Variants in FRMD6 observed in about 807,000 individuals in gnomAD.
FRMD6 encodes FERM domain containing 6.
A neutral mutation model predicts 73.2 loss-of-function variants in FRMD6; 37 were observed. The ratio of observed to expected loss-of-function variants is 0.51; its 90% confidence interval spans 0.39 to 0.66. FRMD6 has a LOEUF of 0.66. Among genes scored for constraint, FRMD6 ranks in the 30% least tolerant of loss-of-function variants. The pLI is 0.00. For missense variants in FRMD6, 714 were observed against 780.5 expected, an observed-to-expected ratio of 0.91 and a Z score of 1.02; for synonymous variants, 273 against 282.2, an observed-to-expected ratio of 0.97 and a Z score of 0.33.
At chr14:51,596,719 G>A (rs546498187) in intron 2 of FRMD6, among the ~76,000 whole-genome samples, 3 of 152,284 alleles carry the variant, frequency 2.0e-5, no homozygotes, top group Middle Eastern at 3.4e-3. Flanking sequence ...ACATTGGTGG[G>A]TGAGAGTTAC....
chr14:51,665,442 A>T (rs1893511078), intron 1 of FRMD6, among the ~76,000 whole-genome samples: 1 of 151,952 alleles, frequency 6.6e-6, no homozygotes, highest in African/African-American at 2.4e-5. Context: ...AATCTAGCCA[A>T]ATTGTTCTTC....
chr14:51,639,743 G>A (rs181338211), intron 2 of FRMD6, among the ~76,000 whole-genome samples: 5 of 152,198 alleles, frequency 3.3e-5, no homozygotes, highest in East Asian at 3.9e-4. Flanking sequence ...ATGCAACCTC[G>A]TATTTATCTA....
chr14:51,610,258 A>G (rs1890435072), intron 2 of FRMD6, among the ~76,000 whole-genome samples: 1 of 145,338 alleles, frequency 6.9e-6, no homozygotes, highest in African/African-American at 2.6e-5. Context: ...TCCTCCAACC[A>G]CTCCTATCTT....
At chr14:51,559,782 A>G (rs907392241) in intron 1 of FRMD6, among the ~76,000 whole-genome samples, 1 of 152,182 alleles carries the variant, frequency 6.6e-6, no homozygotes, top group African/African-American at 2.4e-5. Context: ...AATTTCTGCA[A>G]TATGCCTATC....
At chr14:51,625,562 T>C (rs759376103) in intron 2 of FRMD6, among the ~76,000 whole-genome samples, 1 of 152,314 alleles carries the variant, frequency 6.6e-6, no homozygotes, top group East Asian at 1.9e-4. Flanking sequence ...TGACTGGAAC[T>C]GATTTTTGTT....
At chr14:51,664,953 C>T (rs889519491) in intron 1 of FRMD6, among the ~76,000 whole-genome samples, 1 of 152,096 alleles carries the variant, frequency 6.6e-6, no homozygotes. Context: ...CTGGAGTATG[C>T]AGAGGTATAA....
chr14:51,714,325 A>AGC (rs1308424172), intron 9 of FRMD6: 13 of 152,236 alleles, frequency 8.5e-5, no homozygotes, highest in African/African-American at 3.1e-4. Context: ...TTTAAAAAAA[A>AGC]AACACCTCCA....
chr14:51,658,833 GAA>G lies in FRMD6; in HGVS notation c.-147+6840_-147+6841del, dbSNP rs1204216245. The stretch of plus-strand genomic sequence containing the variant: ...AATAAAGGACAGTTTTATTACTTAA[GAA>G]AAGACTCAGAGCTTCAGCTTAAGCT... On this transcript the variant is annotated intron_variant, in intron 1 of 13. Transcript: ENST00000344768. Among the ~76,000 whole-genome samples the G allele has an allele frequency of 4.6e-5, 7 of 152,214 alleles. No homozygotes were observed. In the East Asian group the frequency reaches 1.4e-3, roughly 29 times the overall value.
At chr14:51,555,327 C>T (rs1887066932) in intron 1 of FRMD6, among the ~76,000 whole-genome samples, 1 of 152,168 alleles carries the variant, frequency 6.6e-6, no homozygotes, top group African/African-American at 2.4e-5. Flanking sequence ...ATATACAACT[C>T]AGTTTGTCTG....
chr14:51,533,060 G>A (rs543966160), intron 1 of FRMD6, among the ~76,000 whole-genome samples: 1 of 152,144 alleles, frequency 6.6e-6, no homozygotes. Flanking sequence ...ACCAATAATG[G>A]TCTCTGCCTC....
chr14:51,641,781 CCT>C (rs1241828135), intron 2 of FRMD6, among the ~76,000 whole-genome samples: 7 of 152,128 alleles, frequency 4.6e-5, no homozygotes, highest in Admixed American at 2.0e-4. Flanking sequence ...GGTTCTGTCC[CCT>C]GTGTTGTAGG....
rs533849360 is a variant in FRMD6 at position 51,496,358 on chromosome 14, A to G, written c.-210+6938A>G. On this transcript the variant is annotated intron_variant, in intron 1 of 14. Coordinates refer to the FRMD6 transcript ENST00000356218. The stretch of plus-strand genomic sequence containing the variant: ...ACAACAATGATTTCTTGTTTCTCAC[A>G]CTTCTTTGGATTAGTTAAGTAGCTC... Among the ~76,000 whole-genome samples the G allele has an allele frequency of 7.2e-5, 11 of 152,326 alleles. No homozygotes were observed. The East Asian group carries it at 2.1e-3, about 29-fold the overall frequency.
At chr14:51,645,826 T>C (rs1324746548) in intron 2 of FRMD6, among the ~76,000 whole-genome samples, 1 of 152,180 alleles carries the variant, frequency 6.6e-6, no homozygotes, top group Non-Finnish European at 1.5e-5. Flanking sequence ...ACATTTGTTA[T>C]GCTTATAACC....
chr14:51,414,134 C>T, the FRMD6 span, among the ~76,000 whole-genome samples: 1 of 152,162 alleles, frequency 6.6e-6, no homozygotes, highest in African/African-American at 2.4e-5. Flanking sequence ...GTTTCTTTTG[C>T]CAGGCAGAAG....
At chr14:51,685,349 T>G (rs1036907660) in intron 1 of FRMD6, among the ~76,000 whole-genome samples, 1 of 152,160 alleles carries the variant, frequency 6.6e-6, no homozygotes, top group African/African-American at 2.4e-5. Context: ...CACAACCATA[T>G]CTCCATCAAC....
chr14:51,519,848 CTT>C (rs778270531), intron 1 of FRMD6, among the ~76,000 whole-genome samples: 16 of 152,320 alleles, frequency 1.1e-4, no homozygotes, highest in Middle Eastern at 3.4e-3. Flanking sequence ...CCCAGGGACT[CTT>C]TGCCACAGAT....
the FRMD6 span, among the ~76,000 whole-genome samples, chr14:51,458,246 A>G: frequency 3.3e-5 from 5 of 152,166 alleles, no homozygotes; most frequent in Non-Finnish European, 7.3e-5. Flanking sequence ...TTTTTCTTGC[A>G]TGGCCCCTTT....
chr14:51,709,779 A>G (rs1896837319), intron 7 of FRMD6, among the ~76,000 whole-genome samples: 1 of 152,214 alleles, frequency 6.6e-6, no homozygotes, highest in Non-Finnish European at 1.5e-5. Context: ...AAAATGTATT[A>G]GAAGTATGAA....
intron 2 of FRMD6, among the ~76,000 whole-genome samples, chr14:51,693,552 C>T (rs1416637831): frequency 6.6e-6 from 1 of 152,166 alleles, no homozygotes; most frequent in African/African-American, 2.4e-5. Flanking sequence ...TAGGGATAAT[C>T]TTACCCTCTG....
Sources: gnomAD v4.1 joint callset for allele counts (sites outside exome capture counted in the v4.1 genomes callset) on GRCh38, gnomAD v4.1.1 for gene constraint, MANE v1.5 for transcripts, NCBI Gene and HGNC (gene_info 2026-07-23, HGNC 2026-07-21) for gene names.